The following VWDE variants were observed in gnomAD, a reference collection of about 807,000 sequenced individuals.
VWDE encodes von Willebrand factor D and EGF domains.
VWDE carries 207 observed loss-of-function variants against 178.4 expected under a neutral mutation model. The observed-to-expected ratio is 1.16, with a 90% confidence interval of 1.04 to 1.30. VWDE has a LOEUF of 1.30. VWDE is among the 50% of genes most tolerant of loss of function. VWDE has a pLI of 0.00. For synonymous variants in VWDE, 738 were observed against 651.4 expected, an observed-to-expected ratio of 1.13 and a Z score of -2.02; for missense variants, 2,287 against 1,901.3, an observed-to-expected ratio of 1.20 and a Z score of -3.77.
At position 12,403,757 on chromosome 7, in the gene VWDE, G is replaced by C. The variant is rs1336646190; in HGVS notation, c.-41C>G. 14 of 1,547,864 alleles carry C rather than the reference G, an allele frequency of 9.0e-6. No homozygotes were observed. The highest frequency in any genetic ancestry group is 1.7e-4 in the Middle Eastern group (1 of 5,866). ...TGGGGCGAAAGGCGTCGCAGAGCCC[G>C]GGCCGCGGGTGCCAGGAGGATGGGG... On this transcript the variant is annotated 5_prime_UTR_variant, in exon 1 of 29. Transcript: ENST00000275358.
In VWDE at chr7:12,357,646, ATT is replaced by A. The variant is rs375444841; in HGVS notation, c.3275-133_3275-132del. ...GCTAAAAGGTCTATTAGCTGCTTTC[ATT>A]TTTTTTTTTAACATTCTGAGTAAGT... is the stretch of plus-strand genomic sequence containing the variant. On this transcript the variant is annotated intron_variant, in intron 16 of 28. Transcript: ENST00000275358. 4.7e-4 allele frequency: 398 copies of A among 846,058 alleles called. 2 individuals are homozygous for A. In the African/African-American group the frequency reaches 5.9e-3, roughly 12 times the overall value. The allele number at this position is 846,058 out of a possible 1,614,324, so 52.4% of individuals were successfully genotyped here.
chr7:12,396,659 G>T (rs1784639752), intron 1 of VWDE, among the ~76,000 whole-genome samples: 3 of 151,980 alleles, frequency 2.0e-5, no homozygotes, highest in Admixed American at 2.0e-4. Context: ...TATAATTCCA[G>T]CACTTTGGCA....
intron 1 of VWDE, among the ~76,000 whole-genome samples, chr7:12,394,321 A>T (rs1371719166): frequency 1.3e-5 from 2 of 151,974 alleles, no homozygotes; most frequent in Admixed American, 1.3e-4. Flanking sequence ...AAACATTAAA[A>T]ATTTTAAAGT....
chr7:12,347,955 C>G (rs370068776), intron 19 of VWDE, among the ~76,000 whole-genome samples: 19 of 152,026 alleles, frequency 1.2e-4, no homozygotes, highest in African/African-American at 3.6e-4. Context: ...ACAAACCTGA[C>G]AAAAACAAGC....
At chr7:12,346,427 T>A (rs1781600836) in intron 19 of VWDE, among the ~76,000 whole-genome samples, 1 of 152,072 alleles carries the variant, frequency 6.6e-6, no homozygotes, top group African/African-American at 2.4e-5. Context: ...AGTAAGTAAT[T>A]TTCCCTATAA....
intron 4 of VWDE, among the ~76,000 whole-genome samples, chr7:12,381,150 T>G (rs1783833900): frequency 6.6e-6 from 1 of 152,236 alleles, no homozygotes; most frequent in African/African-American, 2.4e-5. Context: ...TGTTACAGTT[T>G]TCTCTTATAA....
chr7:12,336,849 T>C lies in VWDE; in HGVS notation c.4558+139A>G, dbSNP rs1781060511. Reference sequence around the variant, plus strand: ...AAACTCTTTGTGTTTCAAAGAGGTATCTCCTAAAGCAAGAATAAATATGCA... The same window carrying C: ...AAACTCTTTGTGTTTCAAAGAGGTACCTCCTAAAGCAAGAATAAATATGCA... On this transcript the variant is annotated intron_variant, in intron 26 of 28. Coordinates refer to ENST00000275358, the MANE Select transcript of VWDE (RefSeq NM_001135924.3). 4.4e-6 allele frequency: 3 copies of C among 687,428 alleles called. No individual in the cohort carries two copies. In the South Asian group the frequency reaches 6.6e-5, roughly 15 times the overall value. The allele number at this position is 687,428 out of a possible 1,614,324, so 42.6% of individuals were successfully genotyped here. A position where few individuals can be genotyped will look rare whatever the true frequency, so the allele number is the denominator to read the frequency against.
intron 10 of VWDE, among the ~76,000 whole-genome samples, chr7:12,371,075 C>A (rs1369937351): frequency 3.3e-5 from 5 of 151,842 alleles, no homozygotes; most frequent in Admixed American, 3.3e-4. Context: ...ATTTGATTAC[C>A]ATACTGATCT....
intron 6 of VWDE, among the ~76,000 whole-genome samples, chr7:12,379,245 T>A (rs1486278526): frequency 6.6e-6 from 1 of 152,228 alleles, no homozygotes; most frequent in South Asian, 2.1e-4. Context: ...TACTCTAATT[T>A]GAGCTATTTC....
chr7:12,342,913 A>G (rs1348215913), intron 22 of VWDE, among the ~76,000 whole-genome samples, 170 bp downstream of exon 22: 3 of 145,896 alleles, frequency 2.1e-5, no homozygotes, highest in South Asian at 4.3e-4. Flanking sequence ...ATTCCCACCT[A>G]TGAGTGAGAA....
chr7:12,377,754 T>A, intron 7 of VWDE, 22 bp downstream of exon 7: 5 of 1,376,570 alleles, frequency 3.6e-6, no homozygotes, highest in Non-Finnish European at 4.8e-6. Context: ...AATAATAAGA[T>A]AAAATAAAGT....
intron 1 of VWDE, among the ~76,000 whole-genome samples, chr7:12,400,599 A>G (rs1479968042): frequency 6.6e-6 from 1 of 152,162 alleles, no homozygotes; most frequent in African/African-American, 2.4e-5. Context: ...GATGGCATCA[A>G]TGCTAAATTC....
At chr7:12,377,615 G>A (rs1006554688) in intron 7 of VWDE, 161 bp downstream of exon 7, 20 of 412,066 alleles carry the variant, frequency 4.9e-5, no homozygotes, top group South Asian at 1.3e-4. Context: ...TTTGGCAATC[G>A]TCAGTTTGGC....
At chr7:12,349,223 T>A (rs1436581203) in intron 19 of VWDE, among the ~76,000 whole-genome samples, 1 of 143,866 alleles carries the variant, frequency 7.0e-6, no homozygotes, top group Non-Finnish European at 1.5e-5. Context: ...ACTTAAAGTA[T>A]AATAATCATA....
intron 13 of VWDE, among the ~76,000 whole-genome samples, chr7:12,362,926 G>A (rs1205365007): frequency 6.6e-6 from 1 of 152,032 alleles, no homozygotes; most frequent in Non-Finnish European, 1.5e-5. Context: ...CAGAAAGAAA[G>A]CTCCAGCTAA....
chr7:12,385,605 T>C (rs1212172615), intron 3 of VWDE, among the ~76,000 whole-genome samples: 1 of 152,126 alleles, frequency 6.6e-6, no homozygotes, highest in Admixed American at 6.5e-5. Flanking sequence ...AGTGGCCAAA[T>C]TGCCATCAGC....
intron 18 of VWDE, among the ~76,000 whole-genome samples, chr7:12,355,211 T>C (rs1409236727): frequency 6.6e-6 from 1 of 151,938 alleles, no homozygotes; most frequent in Non-Finnish European, 1.5e-5. Flanking sequence ...GGTCAGGAGA[T>C]TGAGACCATG....
At position 12,380,529 on chromosome 7, in the gene VWDE, G is replaced by C; in HGVS notation, c.746C>G (p.Ser249Cys). ...ATTTATGCCATCAAGTTCTAAAAGA[G>C]AGAATGCCTGAACTGTGGTCTCTTG... is the stretch of plus-strand genomic sequence containing the variant. The part of the protein sequence containing the change: ...LTQETTVQAF[S>C]LLELDGINLR... Residue 249 changes from serine (S) to cysteine (C), a missense_variant, in exon 5 of 29, where the codon TCT (serine) becomes TGT (cysteine). Coordinates refer to ENST00000275358, the MANE Select transcript of VWDE (RefSeq NM_001135924.3). 6.4e-7 allele frequency: 1 copy of C among 1,551,896 alleles called. No homozygotes were observed. Among genetic ancestry groups the C allele is most frequent in the Middle Eastern group, 1.7e-4 (1 of 5,992 alleles).
rs1782759218 is a variant in VWDE at position 12,364,583 on chromosome 7, GTC to G, written c.2898+2772_2898+2773del. ...TAATTCATGAAATAAGTTTCCATTA[GTC>G]TACACTGGCATGAGTAAATAAATGA... On this transcript the variant is annotated intron_variant, in intron 13 of 28. Coordinates refer to ENST00000275358, the MANE Select transcript of VWDE (RefSeq NM_001135924.3). Among the ~76,000 whole-genome samples the G allele has an allele frequency of 1.6e-4, 24 of 152,050 alleles. 1 individual carries two copies. The highest frequency in any genetic ancestry group is 9.7e-5 in the African/African-American group (4 of 41,420).
Sources: allele counts gnomAD v4.1 joint callset (sites outside exome capture counted in the v4.1 genomes callset), GRCh38; gene constraint gnomAD v4.1.1; transcripts MANE v1.5; gene names NCBI Gene and HGNC (gene_info 2026-07-23, HGNC 2026-07-21).